SETDB2: variants seen among roughly 807,000 people sequenced by gnomAD.
SETDB2 encodes SET domain bifurcated histone lysine methyltransferase 2.
SETDB2 carries 56 observed loss-of-function variants against 82.5 expected under a neutral mutation model. The observed-to-expected ratio is 0.68, with a 90% CI of 0.55 to 0.85. The LOEUF (loss-of-function observed/expected upper bound fraction) is 0.85. Among genes scored for constraint, SETDB2 ranks in the 40% least tolerant of loss-of-function variants. The pLI, the probability that SETDB2 is intolerant of heterozygous loss-of-function variation, is 0.00. For synonymous variants in SETDB2, 272 were observed against 284.9 expected (o/e 0.95, Z 0.46); for missense variants, 677 against 816.4 (o/e 0.83, Z 2.08).
chr13:49,482,611 G>C, intron 8 of SETDB2, 126 bp from the exon 9 acceptor site: 1 of 663,406 alleles, frequency 1.5e-6, no homozygotes, highest in Non-Finnish European at 2.5e-6. Flanking sequence ...TGTAGGATGA[G>C]TTAATGTGTT....
chr13:49,461,491 A>T (rs897739980), intron 4 of SETDB2, among the ~76,000 whole-genome samples: 1 of 152,236 alleles, frequency 6.6e-6, no homozygotes, highest in Non-Finnish European at 1.5e-5. Context: ...GAAGAACAAT[A>T]CTTGAAAGAT....
At position 49,491,723 on chromosome 13, in the gene SETDB2, A is replaced by G. The variant is rs1318836156; in HGVS notation, c.2007-9A>G. ...ATTTTATGATTCTTTTCAAATTTCT[A>G]CTTTCTAGGTATGTGAAAGCAAGAA... On this transcript the variant is annotated splice_polypyrimidine_tract_variant and intron_variant, in intron 13 of 13. Coordinates refer to ENST00000611815, the MANE Select transcript of SETDB2 (RefSeq NM_001160308.3). 6.3e-7 allele frequency: 1 copy of G among 1,587,752 alleles called. No homozygotes were observed. Among genetic ancestry groups the G allele is most frequent in the Non-Finnish European group, 8.6e-7 (1 of 1,161,178 alleles).
intron 1 of SETDB2, among the ~76,000 whole-genome samples, chr13:49,450,735 A>G (rs1998782): frequency 0.73 from 110,164 of 151,842 alleles, 40,271 homozygotes; most frequent in East Asian, 0.82. Flanking sequence ...TTGGTGTGGA[A>G]GTGGCAGAAG....
rs1451259048 is a variant in SETDB2 at position 49,444,783 on chromosome 13, G to A, written c.-416G>A. On this transcript the variant is annotated 5_prime_UTR_variant, in exon 1 of 14. Transcript: ENST00000611815. ...TGCTGGGAACCTGAGGTTGTCAAAG[G>A]GGCGGCAGGAAATGGACAGCAGTAT... The A allele has an allele frequency of 6.6e-6, 1 of 152,450 alleles. No homozygotes were observed. The highest frequency in any genetic ancestry group is 1.5e-5 in the Non-Finnish European group (1 of 68,258). 9.4% of individuals were successfully genotyped at this position (152,450 alleles called of 1,614,324 possible).
rs765435590 is a variant in SETDB2, at chr13:49,461,182, C to A, written c.208+20C>A. On this transcript the variant is annotated intron_variant, in intron 4 of 13. Coordinates refer to ENST00000611815, the MANE Select transcript of SETDB2 (RefSeq NM_001160308.3). The stretch of plus-strand genomic sequence containing the variant: ...TAAAGGGTATGTACATCTCTATTCC[C>A]ATTGTAGAGTATTCTCTGATATTTT... The A allele has an allele frequency of 1.3e-6, 2 of 1,515,582 alleles. No homozygotes were observed. Among genetic ancestry groups the A allele is most frequent in the Non-Finnish European group, 1.8e-6 (2 of 1,098,494 alleles). 93.9% of individuals were successfully genotyped at this position (1,515,582 alleles called of 1,614,324 possible).
At chr13:49,485,506 G>A (rs1410562676) in intron 10 of SETDB2, 124 bp from the exon 11 acceptor site, 1 of 704,846 alleles carries the variant, frequency 1.4e-6, no homozygotes, top group Non-Finnish European at 2.4e-6. Context: ...TATCAGCTTT[G>A]AGGCTTTTCA....
rs1958766574 is a variant in SETDB2, at chr13:49,494,367, T to G, written c.*2518T>G. The stretch of plus-strand genomic sequence containing the variant: ...TATTCTTTCGGCATAATCTGTGTCC[T>G]CCAGGGTTTGTTTCTTTGTTTCCCC... On this transcript the variant is annotated 3_prime_UTR_variant, in exon 14 of 14. Transcript: ENST00000611815. 1 of 152,258 alleles carries G rather than the reference T, an allele frequency of 6.6e-6. No homozygotes were observed. The highest frequency in any genetic ancestry group is 6.5e-5 in the Admixed American group (1 of 15,284). The allele number at this position is 152,258 out of a possible 1,614,324, so 9.4% of individuals were successfully genotyped here. A position where few individuals can be genotyped will look rare whatever the true frequency, so the allele number is the denominator to read the frequency against.
At chr13:49,466,634 AT>A (rs1470885663) in intron 4 of SETDB2, among the ~76,000 whole-genome samples, 1 of 152,022 alleles carries the variant, frequency 6.6e-6, no homozygotes, top group Non-Finnish European at 1.5e-5. Context: ...CTCTTCAACT[AT>A]CAGACTTTTA....
At chr13:49,452,768 C>G (rs1430947031) in intron 2 of SETDB2, among the ~76,000 whole-genome samples, 1 of 152,116 alleles carries the variant, frequency 6.6e-6, no homozygotes, top group Non-Finnish European at 1.5e-5. Context: ...AGATGCCCCT[C>G]TGTTGGAATT....
Position 49,493,521 on chromosome 13 carries a change from T to C in SETDB2, c.*1672T>C, listed in dbSNP as rs993135950. 2 of 152,272 alleles carry C rather than the reference T, an allele frequency of 1.3e-5. No individual in the cohort carries two copies. The highest frequency in any genetic ancestry group is 4.8e-5 in the African/African-American group (2 of 41,466). The allele number at this position is 152,272 out of a possible 1,614,324, so 9.4% of individuals were successfully genotyped here. A position where few individuals can be genotyped will look rare whatever the true frequency, so the allele number is the denominator to read the frequency against. ...CCCCAGAGATTCACTTTGTCTCTTA[T>C]GTGGGATCTGTTTCCAGTTAGATGC... On this transcript the variant is annotated 3_prime_UTR_variant, in exon 14 of 14. Coordinates refer to ENST00000611815, the MANE Select transcript of SETDB2 (RefSeq NM_001160308.3).
intron 5 of SETDB2, among the ~76,000 whole-genome samples, chr13:49,470,341 TC>T (rs1439743051): frequency 3.3e-5 from 5 of 152,238 alleles, no homozygotes; most frequent in African/African-American, 1.2e-4. Flanking sequence ...AGGATTTTCT[TC>T]CTTTGCCATT....
intron 7 of SETDB2, 50 bp downstream of exon 7, chr13:49,480,385 G>T: frequency 8.6e-7 from 1 of 1,166,640 alleles, no homozygotes; most frequent in Non-Finnish European, 1.2e-6. Flanking sequence ...TTTGAAGGTG[G>T]GTACTTTTTA....
intron 12 of SETDB2, 22 bp from the exon 13 acceptor site, chr13:49,490,800 T>C (rs1390449133): frequency 1.3e-6 from 2 of 1,573,024 alleles, no homozygotes; most frequent in Non-Finnish European, 1.7e-6. Context: ...TTCTAACCTT[T>C]GTGTTTATTT....
chr13:49,464,302 G>A (rs1263973563), intron 4 of SETDB2, among the ~76,000 whole-genome samples: 2 of 152,150 alleles, frequency 1.3e-5, no homozygotes, highest in Non-Finnish European at 2.9e-5. Flanking sequence ...TGGGAGGATC[G>A]ATTTTTAGAC....
At chr13:49,486,203 GC>G (rs1958595303) in intron 11 of SETDB2, among the ~76,000 whole-genome samples, 1 of 151,924 alleles carries the variant, frequency 6.6e-6, no homozygotes, top group Admixed American at 6.6e-5. Context: ...TACTCAGGGG[GC>G]TGAGGTGGGA....
chr13:49,456,854 A>G (rs1957891226), intron 2 of SETDB2, among the ~76,000 whole-genome samples: 1 of 152,214 alleles, frequency 6.6e-6, no homozygotes, highest in African/African-American at 2.4e-5. Context: ...ACTGTGGTTA[A>G]GGGCTTCCAT....
chr13:49,455,114 G>T (rs1259662530), intron 2 of SETDB2, among the ~76,000 whole-genome samples: 2 of 152,118 alleles, frequency 1.3e-5, no homozygotes, highest in African/African-American at 2.4e-5. Context: ...TACCTTGTTA[G>T]AAATATCTTT....
chr13:49,482,000 C>T (rs1240329967), intron 8 of SETDB2: 37 of 931,926 alleles, frequency 4.0e-5, no homozygotes, highest in Admixed American at 6.2e-5. Context: ...AGTAGTCACA[C>T]GTATGGATCC....
intron 12 of SETDB2, among the ~76,000 whole-genome samples, chr13:49,490,212 G>A (rs1422432444): frequency 4.1e-5 from 6 of 146,656 alleles, no homozygotes; most frequent in Admixed American, 1.4e-4. Context: ...CCCAGGAGGC[G>A]GAGGTTGCAG....
Sources: gnomAD v4.1 joint callset for allele counts (sites outside exome capture counted in the v4.1 genomes callset) on GRCh38, gnomAD v4.1.1 for gene constraint, MANE v1.5 for transcripts, NCBI Gene and HGNC (gene_info 2026-07-23, HGNC 2026-07-21) for gene names.